Variants in ZNF18 observed in about 807,000 individuals in gnomAD.
ZNF18 encodes the protein heart development-specific gene 1 protein.
A neutral mutation model predicts 58.1 loss-of-function variants in ZNF18; 42 were observed. That is an observed-to-expected ratio of 0.72 (90% CI 0.56 to 0.93). The LOEUF is 0.93. Among genes scored for constraint, ZNF18 ranks in the 40% least tolerant of loss-of-function variants. The probability of loss-of-function intolerance (pLI) is 0.00; values close to 1 mark genes in which losing one functional copy is unlikely to be tolerated. For missense variants in ZNF18, 540 were observed against 644.2 expected (o/e 0.84, Z 1.75); for synonymous variants, 231 against 239.8 (o/e 0.96, Z 0.34).
chr17:11,984,247 T>C (rs757482391), intron 4 of ZNF18, 50 bp from the exon 5 acceptor site: 19 of 1,540,372 alleles, frequency 1.2e-5, no homozygotes, highest in Non-Finnish European at 1.7e-5. Context: ...CCAATGAAGG[T>C]GTTTGAACCT....
In ZNF18 at chr17:11,977,718, G is replaced by C; in HGVS notation, c.*239C>G. 1 of 458,606 alleles carries C rather than the reference G, an allele frequency of 2.2e-6. No individual in the cohort carries two copies. Among genetic ancestry groups the C allele is most frequent in the Non-Finnish European group, 3.8e-6 (1 of 266,016 alleles). 28.4% of individuals were successfully genotyped at this position (458,606 alleles called of 1,614,324 possible). On this transcript the variant is annotated 3_prime_UTR_variant, in exon 7 of 7. Coordinates refer to ENST00000580306, the MANE Select transcript of ZNF18 (RefSeq NM_001303281.2). The stretch of plus-strand genomic sequence containing the variant: ...TCCCCGATGGGTCCAAAGGAAGGAT[G>C]AGTGGAAACATGAAGACTATTCTTT...
At chr17:12,014,051 A>G in the ZNF18 span, among the ~76,000 whole-genome samples, 2 of 152,246 alleles carry the variant, frequency 1.3e-5, no homozygotes, top group African/African-American at 2.4e-5. Context: ...ATGTCGGCCA[A>G]TGTCCTCTTC....
chr17:12,021,001 G>A, the ZNF18 span: 2 of 1,209,070 alleles, frequency 1.7e-6, no homozygotes, highest in Non-Finnish European at 2.1e-6. Flanking sequence ...CAGCATGCAG[G>A]GTAAGGAACG....
chr17:11,988,759 A>G (rs972864120), intron 4 of ZNF18, among the ~76,000 whole-genome samples: 2 of 152,186 alleles, frequency 1.3e-5, no homozygotes, highest in East Asian at 1.9e-4. Context: ...AGCAAAGTTC[A>G]AGAACATTTA....
chr17:12,005,667 T>A, the ZNF18 span, among the ~76,000 whole-genome samples: 1 of 152,236 alleles, frequency 6.6e-6, no homozygotes, highest in African/African-American at 2.4e-5. Context: ...TTAAAACTCC[T>A]GTATCACAGA....
intron 4 of ZNF18, among the ~76,000 whole-genome samples, chr17:11,989,321 T>G (rs1967951996): frequency 6.6e-6 from 1 of 151,916 alleles, no homozygotes; most frequent in South Asian, 2.1e-4. Flanking sequence ...TGAAACCCTG[T>G]CTCAAAACAA....
At chr17:11,981,745 A>G (rs1255619026) in intron 6 of ZNF18, among the ~76,000 whole-genome samples, 1 of 152,016 alleles carries the variant, frequency 6.6e-6, no homozygotes, top group Non-Finnish European at 1.5e-5. Flanking sequence ...CTTCCATTCA[A>G]TTCTACTATG....
chr17:12,001,806 T>A (rs963282944), upstream of ZNF18, among the ~76,000 whole-genome samples: 2 of 152,050 alleles, frequency 1.3e-5, no homozygotes, highest in Non-Finnish European at 2.9e-5. Flanking sequence ...CATAAATATA[T>A]AATTATTATT....
the ZNF18 span, among the ~76,000 whole-genome samples, chr17:12,003,955 G>A: frequency 2.6e-5 from 4 of 152,222 alleles, no homozygotes; most frequent in African/African-American, 9.6e-5. Flanking sequence ...GGCCTGGGCC[G>A]GGTGCAGTGA....
At chr17:12,012,745 A>G in the ZNF18 span, among the ~76,000 whole-genome samples, 3 of 152,104 alleles carry the variant, frequency 2.0e-5, no homozygotes, top group Non-Finnish European at 4.4e-5. Context: ...GCATGATCAC[A>G]GCTCACTGCA....
At chr17:12,009,672 C>T in the ZNF18 span, among the ~76,000 whole-genome samples, 4 of 151,932 alleles carry the variant, frequency 2.6e-5, no homozygotes, top group African/African-American at 4.8e-5. Context: ...AGGCTGGTGT[C>T]GAACCCCTGA....
upstream of ZNF18, among the ~76,000 whole-genome samples, chr17:11,999,298 T>G (rs1968617699): frequency 6.6e-6 from 1 of 152,220 alleles, no homozygotes; most frequent in South Asian, 2.1e-4. Context: ...CATACACATC[T>G]ACATACAACA....
the ZNF18 span, among the ~76,000 whole-genome samples, chr17:12,018,819 C>T: frequency 3.3e-5 from 5 of 152,044 alleles, no homozygotes; most frequent in Admixed American, 3.3e-4. Flanking sequence ...TTATCACAAA[C>T]TCAGAATTAG....
the ZNF18 span, among the ~76,000 whole-genome samples, chr17:12,004,289 C>G: frequency 6.6e-6 from 1 of 151,630 alleles, no homozygotes; most frequent in Non-Finnish European, 1.5e-5. Flanking sequence ...TTGAGACATA[C>G]TGAAGTTAGT....
chr17:11,983,548 G>A (rs1269770057), intron 5 of ZNF18, 141 bp from the exon 6 acceptor site: 4 of 623,810 alleles, frequency 6.4e-6, no homozygotes, highest in Middle Eastern at 3.5e-4. Context: ...TTAGAACAGT[G>A]TGTGGAGCTT....
chr17:12,001,984 T>C (rs1485854968), upstream of ZNF18, among the ~76,000 whole-genome samples: 2 of 150,514 alleles, frequency 1.3e-5, no homozygotes, highest in African/African-American at 4.9e-5. Context: ...TAAAAAAAAG[T>C]AAAAGCAATA....
chr17:12,011,136 T>C, the ZNF18 span: 1 of 622,208 alleles, frequency 1.6e-6, no homozygotes, highest in Non-Finnish European at 2.9e-6. Flanking sequence ...GATTCGCCTG[T>C]GCACGGCCAA....
chr17:11,990,635 C>T, intron 3 of ZNF18, 85 bp from the exon 4 acceptor site: 1 of 1,067,172 alleles, frequency 9.4e-7, no homozygotes, highest in Non-Finnish European at 1.4e-6. Context: ...CTTCACAAAT[C>T]AGAACAATAC....
chr17:11,993,456 T>G (rs1968259675), intron 1 of ZNF18: 2 of 152,198 alleles, frequency 1.3e-5, no homozygotes, highest in Non-Finnish European at 2.9e-5. Context: ...AGTGCCATAT[T>G]AAAATAGGTC....
Sources: gnomAD v4.1 joint callset for allele counts (sites outside exome capture counted in the v4.1 genomes callset) on GRCh38, gnomAD v4.1.1 for gene constraint, MANE v1.5 for transcripts, NCBI Gene and HGNC (gene_info 2026-07-23, HGNC 2026-07-21) for gene names.